Variants in TCF4 observed in about 807,000 individuals in gnomAD.
TCF4 encodes transcription factor 4.
Under a neutral mutation model 82.1 loss-of-function variants are expected in TCF4, and 3 were observed. The observed-to-expected ratio is 0.04, with a 90% CI of 0.02 to 0.09. TCF4 has a LOEUF of 0.09. TCF4 is among the 10% of genes least tolerant of loss of function. The pLI, the probability that TCF4 is intolerant of heterozygous loss-of-function variation, is 1.00. For missense variants in TCF4, 518 were observed against 852.7 expected (o/e 0.61, Z 4.89); for synonymous variants, 276 against 309.6 (o/e 0.89, Z 1.14).
chr18:55,410,673 C>T (rs1338490428), intron 5 of TCF4, among the ~76,000 whole-genome samples: 1 of 151,948 alleles, frequency 6.6e-6, no homozygotes, highest in Non-Finnish European at 1.5e-5. Context: ...AAGGCTTTCC[C>T]ACAATATGCC....
chr18:55,519,533 C>G (rs1358616996), intron 3 of TCF4, among the ~76,000 whole-genome samples: 1 of 151,716 alleles, frequency 6.6e-6, no homozygotes, highest in African/African-American at 2.4e-5. Flanking sequence ...GGATCTGAAT[C>G]TCTCTCAGAG....
intron 3 of TCF4, among the ~76,000 whole-genome samples, chr18:55,509,875 C>CT (rs765447128): frequency 3.9e-5 from 6 of 152,160 alleles, no homozygotes; most frequent in Non-Finnish European, 8.8e-5. Flanking sequence ...CTTTGATAAT[C>CT]AAGCCCTACC....
chr18:55,232,198 CA>C (rs1407572538), intron 17 of TCF4: 1 of 303,626 alleles, frequency 3.3e-6, no homozygotes, highest in African/African-American at 2.1e-5. Flanking sequence ...ATTATAGACA[CA>C]ACATTTCTGA....
chr18:55,591,862 C>T (rs980020253), upstream of TCF4, among the ~76,000 whole-genome samples: 4 of 152,148 alleles, frequency 2.6e-5, no homozygotes, highest in African/African-American at 4.8e-5. Flanking sequence ...ATCCAGAAAC[C>T]AATGATAGGA....
chr18:55,521,126 T>C (rs777054129), intron 3 of TCF4, among the ~76,000 whole-genome samples: 3 of 152,184 alleles, frequency 2.0e-5, no homozygotes, highest in Admixed American at 6.6e-5. Flanking sequence ...TTGGAAAGAC[T>C]GAAACAGCTG....
intron 3 of TCF4, among the ~76,000 whole-genome samples, chr18:55,561,501 T>C (rs2097354657): frequency 6.6e-6 from 1 of 152,192 alleles, no homozygotes; most frequent in Admixed American, 6.5e-5. Flanking sequence ...TCTAACACAG[T>C]GCTATACGAT....
At chr18:55,469,426 T>C (rs1337143563) in intron 3 of TCF4, among the ~76,000 whole-genome samples, 1 of 151,844 alleles carries the variant, frequency 6.6e-6, no homozygotes, top group East Asian at 1.9e-4. Context: ...ATCGAGCCAC[T>C]GTACTCCAGC....
intron 5 of TCF4, among the ~76,000 whole-genome samples, chr18:55,453,064 A>G (rs2095657184): frequency 6.6e-6 from 1 of 152,240 alleles, no homozygotes; most frequent in Admixed American, 6.5e-5. Context: ...GCCCAGTATG[A>G]GTCCCAAACT....
intron 3 of TCF4, among the ~76,000 whole-genome samples, chr18:55,527,937 C>T (rs2097008808): frequency 6.6e-6 from 1 of 152,204 alleles, no homozygotes; most frequent in African/African-American, 2.4e-5. Flanking sequence ...TAAGCTCCTA[C>T]AGTCCACAGC....
At chr18:55,228,576 G>A (rs1471157060) in intron 18 of TCF4, among the ~76,000 whole-genome samples, 39 of 152,164 alleles carry the variant, frequency 2.6e-4, no homozygotes, top group Admixed American at 2.5e-3. Context: ...GTAAGCAAAG[G>A]TTGGTAAAGC....
At chr18:55,530,361 C>T (rs1439651728) in intron 3 of TCF4, among the ~76,000 whole-genome samples, 1 of 152,110 alleles carries the variant, frequency 6.6e-6, no homozygotes, top group Admixed American at 6.5e-5. Context: ...TATTTATGAA[C>T]AGACGGGACA....
chr18:55,429,429 T>C (rs546797804), intron 5 of TCF4, among the ~76,000 whole-genome samples: 2 of 152,240 alleles, frequency 1.3e-5, no homozygotes, highest in Non-Finnish European at 2.9e-5. Context: ...TTGCTCTCAC[T>C]CAAGAAGAAA....
At chr18:55,387,828 C>G (rs2092723190) in intron 6 of TCF4, among the ~76,000 whole-genome samples, 1 of 152,168 alleles carries the variant, frequency 6.6e-6, no homozygotes, top group Non-Finnish European at 1.5e-5. Context: ...CTGCTGCTGG[C>G]TATTACTTCA....
chr18:55,341,094 G>A (rs980565447), intron 8 of TCF4, among the ~76,000 whole-genome samples: 3 of 152,204 alleles, frequency 2.0e-5, no homozygotes, highest in Admixed American at 6.5e-5. Context: ...TTAATTTATT[G>A]TAGATAGTCA....
chr18:55,339,584 G>A (rs191249564), intron 8 of TCF4, among the ~76,000 whole-genome samples: 1 of 152,256 alleles, frequency 6.6e-6, no homozygotes, highest in East Asian at 1.9e-4. Flanking sequence ...TTTTCCCGAG[G>A]AATCTAACTC....
chr18:55,334,382 A>G (rs2147829977), intron 8 of TCF4, among the ~76,000 whole-genome samples: 1 of 152,280 alleles, frequency 6.6e-6, no homozygotes, highest in African/African-American at 2.4e-5. Context: ...GTATAGTCCA[A>G]TAAATTATAG....
At chr18:55,275,904 T>A in intron 9 of TCF4, 152 bp from the exon 10 acceptor site, 1 of 981,066 alleles carries the variant, frequency 1.0e-6, no homozygotes, top group Admixed American at 2.0e-5. Flanking sequence ...CATCATTTCT[T>A]CCCAAGTGGC....
intron 11 of TCF4, among the ~76,000 whole-genome samples, chr18:55,264,101 G>T (rs564609768): frequency 6.6e-6 from 1 of 152,078 alleles, no homozygotes; most frequent in South Asian, 2.1e-4. Context: ...AAAATCACAC[G>T]TTAGAAGAGG....
chr18:55,266,366 G>A (rs953921608), intron 11 of TCF4: 1 of 152,142 alleles, frequency 6.6e-6, no homozygotes, highest in Non-Finnish European at 1.5e-5. Flanking sequence ...CATTGAAAAA[G>A]TTTGAAGAAC....
Sources: gnomAD v4.1 joint callset for allele counts (sites outside exome capture counted in the v4.1 genomes callset) on GRCh38, gnomAD v4.1.1 for gene constraint, MANE v1.5 for transcripts, NCBI Gene and HGNC (gene_info 2026-07-23, HGNC 2026-07-21) for gene names.